IFT80: variants seen among roughly 807,000 people sequenced by gnomAD.
IFT80 encodes the protein intraflagellar transport protein 80 homolog.
A neutral mutation model predicts 107.9 loss-of-function variants in IFT80; 79 were observed. That is an observed-to-expected ratio of 0.73 (90% CI 0.61 to 0.88). IFT80 has a LOEUF of 0.88. Ranked by LOEUF, IFT80 falls within the 40% of genes least tolerant of loss-of-function variation. IFT80 has a pLI of 0.00. For missense variants in IFT80, 797 were observed against 914.2 expected (o/e 0.87, Z 1.65); for synonymous variants, 299 against 300.9 (o/e 0.99, Z 0.07).
chr3:160,282,968 A>G (rs1379892047), intron 13 of IFT80, among the ~76,000 whole-genome samples: 2 of 152,308 alleles, frequency 1.3e-5, no homozygotes, highest in East Asian at 3.9e-4. Context: ...GTCTATTTTG[A>G]TTAATAAGTT....
At position 160,381,541 on chromosome 3, in the gene IFT80, T is replaced by A; in HGVS notation, c.221A>T (p.Gln74Leu). 1 of 1,613,900 alleles carries A rather than the reference T, an allele frequency of 6.2e-7. No homozygotes were observed. Among genetic ancestry groups the A allele is most frequent in the South Asian group, 1.1e-5 (1 of 91,070 alleles). Residue 74 changes from glutamine (Q) to leucine (L), a missense_variant, in exon 3 of 20, where the codon CAA becomes CTA. By Grantham distance (113) the Gln-to-Leu change is moderately radical. Coordinates refer to ENST00000326448, the MANE Select transcript of IFT80 (RefSeq NM_020800.3). Reference sequence around the variant, plus strand: ...GAGGACAAAGCTTTCTGCCTGGGTTTGTTTCTTTACACCCAAACTTTTTGG... The same window carrying A: ...GAGGACAAAGCTTTCTGCCTGGGTTAGTTTCTTTACACCCAAACTTTTTGG... The part of the protein sequence containing the change: ...WFPKSLGVKK[Q>L]TQAESFVLTS...
intron 12 of IFT80, among the ~76,000 whole-genome samples, chr3:160,292,784 G>A (rs181442088): frequency 1.1e-4 from 17 of 152,194 alleles, no homozygotes; most frequent in African/African-American, 3.9e-4. Context: ...AAAGGAGGAC[G>A]CTGGTATGGC....
intron 1 of IFT80, among the ~76,000 whole-genome samples, chr3:160,397,807 C>T (rs547565142): frequency 1.8e-4 from 27 of 151,226 alleles, no homozygotes; most frequent in African/African-American, 6.6e-4. Context: ...CCGCAACCTC[C>T]GCCTCCCGGG....
chr3:160,339,927 T>G (rs1371027260), intron 8 of IFT80, among the ~76,000 whole-genome samples: 1 of 152,188 alleles, frequency 6.6e-6, no homozygotes, highest in Non-Finnish European at 1.5e-5. Flanking sequence ...GACTGACCAA[T>G]TTGGTTTTTA....
At chr3:160,383,889 A>G in intron 2 of IFT80, 1 of 985,422 alleles carries the variant, frequency 1.0e-6, no homozygotes, top group Non-Finnish European at 1.2e-6. Context: ...GTAAAGAAAT[A>G]GAGCACAGTG....
At chr3:160,384,245 CAAAAAAAA>C (rs201854757) in intron 2 of IFT80, 1 of 173,664 alleles carries the variant, frequency 5.8e-6, no homozygotes, top group African/African-American at 3.8e-5. Context: ...GACTCTGTCT[CAAAAAAAA>C]AAAAAAAAAG....
In IFT80 at chr3:160,384,020, G is replaced by A. The variant is rs566030867; in HGVS notation, c.37+544C>T. 22 of 769,172 alleles carry A rather than the reference G, an allele frequency of 2.9e-5. No individual in the cohort carries two copies. The African/African-American group carries it at 3.6e-4, about 13-fold the overall frequency. 47.6% of individuals were successfully genotyped at this position (769,172 alleles called of 1,614,324 possible). ...AGCACTTTGGGAGGCTGGGGCGGGT[G>A]GATCACCTGAGGTCGAGAGTTCGAG... On this transcript the variant is annotated intron_variant, in intron 2 of 19. Transcript: ENST00000326448.
chr3:160,271,443 A>G lies in IFT80; in HGVS notation c.2100-2907T>C, dbSNP rs551326231. On this transcript the variant is annotated intron_variant, in intron 18 of 19. Coordinates refer to ENST00000326448, the MANE Select transcript of IFT80 (RefSeq NM_020800.3). ...ACTGAGATCAGAAATTATTTTTATT[A>G]ATATGCACATAAAGGATTAACATGC... Among the ~76,000 whole-genome samples the G allele has an allele frequency of 1.3e-3, 199 of 152,316 alleles. 1 individual carries two copies. The highest frequency in any genetic ancestry group is 4.6e-3 in the African/African-American group (191 of 41,584).
intron 8 of IFT80, among the ~76,000 whole-genome samples, chr3:160,341,947 A>G (rs1405509855): frequency 6.6e-6 from 1 of 152,196 alleles, no homozygotes; most frequent in Non-Finnish European, 1.5e-5. Flanking sequence ...CAACTAAAAG[A>G]AAACATAGAG....
At chr3:160,309,684 T>C (rs919150201) in intron 9 of IFT80, among the ~76,000 whole-genome samples, 1 of 150,546 alleles carries the variant, frequency 6.6e-6, no homozygotes, top group African/African-American at 2.4e-5. Context: ...GAGACTCCCA[T>C]CTCAAAAAAA....
At chr3:160,282,103 C>A (rs1053148860) in intron 14 of IFT80, among the ~76,000 whole-genome samples, 2 of 152,144 alleles carry the variant, frequency 1.3e-5, no homozygotes, top group Admixed American at 1.3e-4. Context: ...CATGGTGAAA[C>A]CTTGTCTCTA....
rs546927921 is a variant in IFT80, at chr3:160,308,205, T to A, written c.958-424A>T. On this transcript the variant is annotated intron_variant, in intron 9 of 19. Coordinates refer to ENST00000326448, the MANE Select transcript of IFT80 (RefSeq NM_020800.3). ...TACTTTAAAATATACATTCTAAAAG[T>A]AGAGACATAATTGCTTTAAAAATCA... Among the ~76,000 whole-genome samples, 20 of 152,256 alleles carry A rather than the reference T, an allele frequency of 1.3e-4. No homozygotes were observed. The South Asian group carries it at 3.5e-3, about 27-fold the overall frequency.
Position 160,257,783 on chromosome 3 carries a change from G to C in IFT80, c.*742C>G, listed in dbSNP as rs1218825350. 5 of 151,968 alleles carry C rather than the reference G, an allele frequency of 3.3e-5. No individual in the cohort carries two copies. The highest frequency in any genetic ancestry group is 7.3e-5 in the Non-Finnish European group (5 of 68,066). 9.4% of individuals were successfully genotyped at this position (151,968 alleles called of 1,614,324 possible). ...CCATTTCCTCCTCCCTGCAGTCCCTGGCAACCACTATTCTCCTTTCTGTTT... is the reference window on the plus strand; with the variant it reads ...CCATTTCCTCCTCCCTGCAGTCCCTCGCAACCACTATTCTCCTTTCTGTTT... On this transcript the variant is annotated 3_prime_UTR_variant, in exon 20 of 20. Coordinates refer to ENST00000326448, the MANE Select transcript of IFT80 (RefSeq NM_020800.3).
chr3:160,380,734 C>A (rs1712417790), intron 3 of IFT80, among the ~76,000 whole-genome samples: 1 of 151,830 alleles, frequency 6.6e-6, no homozygotes, highest in African/African-American at 2.4e-5. Flanking sequence ...TTGTTATTCA[C>A]CAATAAGAAA....
At chr3:160,289,719 C>G (rs1715382984) in intron 12 of IFT80, among the ~76,000 whole-genome samples, 1 of 152,158 alleles carries the variant, frequency 6.6e-6, no homozygotes, top group South Asian at 2.1e-4. Context: ...AACAAGAAAC[C>G]TGACCTTCAA....
chr3:160,349,937 A>G (rs1337152641), intron 8 of IFT80, among the ~76,000 whole-genome samples: 1 of 152,192 alleles, frequency 6.6e-6, no homozygotes, highest in African/African-American at 2.4e-5. Flanking sequence ...CTTATCTTTC[A>G]TCACACTAAC....
chr3:160,389,377 T>G (rs1468950712), intron 1 of IFT80, among the ~76,000 whole-genome samples: 1 of 151,988 alleles, frequency 6.6e-6, no homozygotes, highest in East Asian at 1.9e-4. Flanking sequence ...ATGTGCACAA[T>G]GTGCAGGTTA....
At chr3:160,299,300 A>G (rs758587948) in intron 12 of IFT80, 7 of 991,508 alleles carry the variant, frequency 7.1e-6, no homozygotes, top group African/African-American at 1.7e-5. Context: ...GAAAAGCTCT[A>G]TTTAGGAGAG....
At chr3:160,309,046 T>C (rs1007765652) in intron 9 of IFT80, among the ~76,000 whole-genome samples, 2 of 152,204 alleles carry the variant, frequency 1.3e-5, no homozygotes, top group Admixed American at 1.3e-4. Flanking sequence ...AAACTTCTGT[T>C]GTTTATGAGC....
Sources: gnomAD v4.1 joint callset for allele counts (sites outside exome capture counted in the v4.1 genomes callset) on GRCh38, gnomAD v4.1.1 for gene constraint, MANE v1.5 for transcripts, NCBI Gene and HGNC (gene_info 2026-07-23, HGNC 2026-07-21) for gene names.